Variants in ANO3 observed in about 807,000 individuals in gnomAD.
ANO3 encodes the protein anoctamin 3, also known as anoctamin-3.
ANO3 carries 99 observed loss-of-function variants against 144.8 expected under a neutral mutation model. The ratio of observed to expected loss-of-function variants is 0.68; its 90% CI spans 0.58 to 0.81. The LOEUF (loss-of-function observed/expected upper bound fraction) is 0.81. Ranked by LOEUF, ANO3 falls within the 30% of genes least tolerant of loss-of-function variation. The pLI, the probability that ANO3 is intolerant of heterozygous loss-of-function variation, is 0.00. For missense variants in ANO3, 905 were observed against 1,202.2 expected (o/e 0.75, Z 3.66); for synonymous variants, 414 against 392.6 (o/e 1.05, Z -0.64).
intron 1 of ANO3, among the ~76,000 whole-genome samples, chr11:26,356,125 TTTC>T (rs1295346287): frequency 6.6e-6 from 1 of 152,198 alleles, no homozygotes; most frequent in Non-Finnish European, 1.5e-5. Flanking sequence ...ATTTGTCTTT[TTTC>T]TTTTTATTCC....
chr11:26,236,334 A>C (rs1852521004), intron 1 of ANO3, among the ~76,000 whole-genome samples: 1 of 152,218 alleles, frequency 6.6e-6, no homozygotes, highest in Admixed American at 6.5e-5. Flanking sequence ...AATTTCTCTC[A>C]AAAAAGATTA....
chr11:26,366,953 A>T (rs1336203973), intron 1 of ANO3, among the ~76,000 whole-genome samples: 1 of 149,204 alleles, frequency 6.7e-6, no homozygotes, highest in Non-Finnish European at 1.5e-5. Context: ...AATAATACCA[A>T]ACATCTACAA....
At chr11:26,418,380 A>C (rs1259627576) in intron 1 of ANO3, among the ~76,000 whole-genome samples, 2 of 152,024 alleles carry the variant, frequency 1.3e-5, no homozygotes, top group Non-Finnish European at 2.9e-5. Context: ...ATGCCATCAT[A>C]AACCCGTGAG....
At chr11:26,419,502 GTAAT>G (rs145453475) in intron 1 of ANO3, among the ~76,000 whole-genome samples, 13,941 of 151,984 alleles carry the variant, frequency 0.092, 1,286 homozygotes, top group African/African-American at 0.25. Context: ...AATTAGTAAA[GTAAT>G]TAATTAATAG....
At chr11:26,614,142 G>A (rs549595885) in intron 17 of ANO3, among the ~76,000 whole-genome samples, 1 of 152,180 alleles carries the variant, frequency 6.6e-6, no homozygotes, top group Non-Finnish European at 1.5e-5. Flanking sequence ...CAGGTGTTGG[G>A]GATGGGGGCT....
At chr11:26,330,978 C>T (rs1240980974), upstream of ANO3, among the ~76,000 whole-genome samples, 1 of 152,218 alleles carries the variant, frequency 6.6e-6, no homozygotes. Context: ...TAACATCTTA[C>T]ATCTTCCAGG....
intron 24 of ANO3, among the ~76,000 whole-genome samples, chr11:26,652,532 C>T (rs1303839742): frequency 2.6e-5 from 4 of 152,166 alleles, no homozygotes; most frequent in Admixed American, 1.3e-4. Context: ...CTTCTTCTTT[C>T]CCTATCTGAA....
At chr11:26,599,239 T>A (rs765248408) in intron 16 of ANO3, among the ~76,000 whole-genome samples, 1 of 152,128 alleles carries the variant, frequency 6.6e-6, no homozygotes, top group Non-Finnish European at 1.5e-5. Context: ...TAAGATAAAA[T>A]GGAAATTATA....
intron 4 of ANO3, among the ~76,000 whole-genome samples, chr11:26,494,803 C>T (rs111548212): frequency 1.1e-3 from 166 of 152,278 alleles, no homozygotes; most frequent in African/African-American, 3.8e-3. Context: ...GGAGGACACA[C>T]GTGAGCTCCA....
chr11:26,393,110 G>A (rs1856923607), intron 1 of ANO3, among the ~76,000 whole-genome samples: 2 of 152,122 alleles, frequency 1.3e-5, no homozygotes, highest in African/African-American at 4.8e-5. Context: ...AAAAGCCATG[G>A]CTGATTGAAG....
intron 1 of ANO3, among the ~76,000 whole-genome samples, chr11:26,246,703 G>A (rs1396795572): frequency 6.6e-6 from 1 of 151,984 alleles, no homozygotes; most frequent in East Asian, 1.9e-4. Flanking sequence ...TAATCCTCGT[G>A]TGTGGCAGAG....
intron 1 of ANO3, among the ~76,000 whole-genome samples, chr11:26,249,678 T>G (rs1852882207): frequency 6.6e-6 from 1 of 152,052 alleles, no homozygotes; most frequent in South Asian, 2.1e-4. Flanking sequence ...TGTTTATAAA[T>G]TTGTACAAAT....
intron 11 of ANO3, among the ~76,000 whole-genome samples, chr11:26,543,824 T>G (rs904538889): frequency 2.8e-4 from 42 of 152,186 alleles, no homozygotes; most frequent in Non-Finnish European, 5.6e-4. Flanking sequence ...TTCCATGGTG[T>G]ATATGTGCCA....
chr11:26,467,657 C>CTT (rs71047851), intron 4 of ANO3, among the ~76,000 whole-genome samples: 87 of 145,668 alleles, frequency 6.0e-4, no homozygotes, highest in Middle Eastern at 3.6e-3. Context: ...ATATGTTCCA[C>CTT]TTTTTTTTTT....
At chr11:26,311,948 C>A (rs1053602962) in intron 1 of ANO3, among the ~76,000 whole-genome samples, 1 of 152,198 alleles carries the variant, frequency 6.6e-6, no homozygotes, top group Non-Finnish European at 1.5e-5. Flanking sequence ...GTGCTGCACC[C>A]ATTAACTGGT....
At chr11:26,462,895 C>T in intron 3 of ANO3, 135 bp from the exon 4 acceptor site, 1 of 423,422 alleles carries the variant, frequency 2.4e-6, no homozygotes, top group Non-Finnish European at 4.3e-6. Flanking sequence ...AATTATGCCA[C>T]ACAAATTTTA....
intron 1 of ANO3, among the ~76,000 whole-genome samples, chr11:26,436,036 A>G (rs1858283145): frequency 6.6e-6 from 1 of 152,140 alleles, no homozygotes. Flanking sequence ...TTTAACTGCT[A>G]GGCTGCCTCT....
chr11:26,555,731 C>T (rs906910225), intron 13 of ANO3, among the ~76,000 whole-genome samples: 3 of 152,172 alleles, frequency 2.0e-5, no homozygotes, highest in African/African-American at 7.2e-5. Flanking sequence ...AAGAGTTCCT[C>T]TTCCCTTATT....
intron 14 of ANO3, among the ~76,000 whole-genome samples, chr11:26,577,862 G>C (rs1851031005): frequency 1.3e-5 from 2 of 152,134 alleles, no homozygotes; most frequent in African/African-American, 4.8e-5. Flanking sequence ...AAAGACAAAA[G>C]TGAAGGCACA....
Sources: allele counts gnomAD v4.1 joint callset (sites outside exome capture counted in the v4.1 genomes callset), GRCh38; gene constraint gnomAD v4.1.1; transcripts MANE v1.5; gene names NCBI Gene and HGNC (gene_info 2026-07-23, HGNC 2026-07-21).